AGL: variants seen among roughly 807,000 people sequenced by gnomAD.
AGL encodes glycogen debranching enzyme.
Under a neutral mutation model 199.3 loss-of-function variants are expected in AGL, and 128 were observed. That is an observed-to-expected ratio of 0.64 (90% CI 0.56 to 0.74). The LOEUF is 0.74. AGL is among the 30% of genes least tolerant of loss of function. The probability of loss-of-function intolerance (pLI) is 0.00; values close to 1 mark genes in which losing one functional copy is unlikely to be tolerated. For missense variants in AGL, 1,809 were observed against 1,820.8 expected (o/e 0.99, Z 0.12); for synonymous variants, 584 against 594.7 (o/e 0.98, Z 0.26).
chr1:99,881,257 A>G lies in AGL; in HGVS notation c.2002-35A>G, dbSNP rs1184011544. ...TTATTAAAAAAAATTCATTGTAATT[A>G]AGATGTATCCATGCTAAATTTTACC... is the stretch of plus-strand genomic sequence containing the variant. On this transcript the variant is annotated intron_variant, in intron 15 of 33. Transcript: ENST00000361915. 3 of 1,613,854 alleles carry G rather than the reference A, an allele frequency of 1.9e-6. No homozygotes were observed. The East Asian group carries it at 6.7e-5, about 36-fold the overall frequency.
At position 99,921,984 on chromosome 1, in the gene AGL, A is replaced by G. The variant is rs1655541987; in HGVS notation, c.*333A>G. On this transcript the variant is annotated 3_prime_UTR_variant, in exon 34 of 34. Transcript: ENST00000361915. The stretch of plus-strand genomic sequence containing the variant: ...AAATAAAATATGAAAATAATGAAAG[A>G]AATGAAAAGATAGCTTTTAATTGTG... The G allele has an allele frequency of 5.1e-6, 1 of 195,584 alleles. No homozygotes were observed. The highest frequency in any genetic ancestry group is 2.4e-5 in the African/African-American group (1 of 42,302). 12.1% of individuals were successfully genotyped at this position (195,584 alleles called of 1,614,324 possible).
chr1:99,912,968 A>T (rs1189355570), intron 29 of AGL, among the ~76,000 whole-genome samples: 1 of 152,216 alleles, frequency 6.6e-6, no homozygotes, highest in Admixed American at 6.5e-5. Flanking sequence ...CATGCCTGTA[A>T]TCTCCACACT....
chr1:99,919,078 C>T (rs1655333892), intron 33 of AGL, among the ~76,000 whole-genome samples: 1 of 152,126 alleles, frequency 6.6e-6, no homozygotes, highest in Admixed American at 6.5e-5. Flanking sequence ...CTTTGTACAG[C>T]TCCTTCCTCT....
chr1:99,892,750 C>A, intron 24 of AGL, 143 bp downstream of exon 24: 1 of 819,464 alleles, frequency 1.2e-6, no homozygotes, highest in Non-Finnish European at 1.9e-6. Flanking sequence ...TAGATATTCA[C>A]TCATAAAAAT....
intron 30 of AGL, among the ~76,000 whole-genome samples, 190 bp from the exon 31 acceptor site, chr1:99,915,199 C>G (rs1313526590): frequency 6.6e-6 from 1 of 152,184 alleles, no homozygotes; most frequent in Non-Finnish European, 1.5e-5. Flanking sequence ...GCTTTCCTAA[C>G]TTCTACGGCC....
chr1:99,897,216 T>C (rs1441240122), intron 25 of AGL, among the ~76,000 whole-genome samples: 1 of 152,134 alleles, frequency 6.6e-6, no homozygotes, highest in Admixed American at 6.5e-5. Context: ...ATTCCACACA[T>C]CAGTAGTGTC....
chr1:99,888,791 C>T (rs1264135604), intron 21 of AGL, among the ~76,000 whole-genome samples: 1 of 152,110 alleles, frequency 6.6e-6, no homozygotes, highest in Non-Finnish European at 1.5e-5. Flanking sequence ...TTTTGTTCAA[C>T]TCTTTATTTC....
chr1:99,855,175 C>A (rs945020063), intron 2 of AGL, among the ~76,000 whole-genome samples: 1 of 150,908 alleles, frequency 6.6e-6, no homozygotes, highest in African/African-American at 2.4e-5. Context: ...CACTCCAGCC[C>A]GGGCAACAGA....
chr1:99,896,157 G>A, intron 24 of AGL, 129 bp from the exon 25 acceptor site: 1 of 781,010 alleles, frequency 1.3e-6, no homozygotes, highest in East Asian at 2.6e-5. Context: ...ATTTTAGAGG[G>A]TTTTAGAGGA....
At chr1:99,891,386 A>C (rs769053834) in intron 22 of AGL, 30 bp downstream of exon 22, 1 of 1,611,476 alleles carries the variant, frequency 6.2e-7, no homozygotes, top group African/African-American at 1.3e-5. Context: ...CGTCCCAAAA[A>C]ATCAAGGACA....
intron 13 of AGL, 64 bp downstream of exon 13, chr1:99,880,110 T>G: frequency 6.2e-7 from 1 of 1,603,740 alleles, no homozygotes; most frequent in Non-Finnish European, 8.5e-7. Context: ...ATTAAAGGAT[T>G]TAATAGCTTC....
At chr1:99,866,172 T>C (rs1650492010) in intron 5 of AGL, among the ~76,000 whole-genome samples, 1 of 152,206 alleles carries the variant, frequency 6.6e-6, no homozygotes, top group African/African-American at 2.4e-5. Context: ...AGATCTATAA[T>C]ATTATTGAAA....
At chr1:99,915,773 A>AACACAC (rs951988452) in intron 31 of AGL, among the ~76,000 whole-genome samples, 5 of 150,730 alleles carry the variant, frequency 3.3e-5, no homozygotes, top group African/African-American at 9.7e-5. Context: ...ACTGTATTAA[A>AACACAC]ACACACACAC....
chr1:99,850,855 TTC>T lies in AGL; in HGVS notation c.-68-116_-68-115del, dbSNP rs142331734. 626 of 645,784 alleles carry T rather than the reference TTC, an allele frequency of 9.7e-4. 3 individuals carry two copies. The African/African-American group carries it at 0.011, about 11-fold the overall frequency. 40.0% of individuals were successfully genotyped at this position (645,784 alleles called of 1,614,324 possible). On this transcript the variant is annotated intron_variant, in intron 1 of 33. Coordinates refer to ENST00000361915, the MANE Select transcript of AGL (RefSeq NM_000642.3). ...CGAATCTTAATAGTTATAAGATTCA[TTC>T]TCTTTCATTGCTCTGCTAGGCATAA...
At position 99,910,695 on chromosome 1, in the gene AGL, C is replaced by T. The variant is rs1182192261; in HGVS notation, c.3701-17C>T. 6.7e-7 allele frequency: 1 copy of T among 1,481,980 alleles called. No homozygotes were observed. Among genetic ancestry groups the T allele is most frequent in the Non-Finnish European group, 9.3e-7 (1 of 1,078,716 alleles). 91.8% of individuals were successfully genotyped at this position (1,481,980 alleles called of 1,614,324 possible). On this transcript the variant is annotated splice_polypyrimidine_tract_variant and intron_variant, in intron 27 of 33. Transcript: ENST00000361915. The stretch of plus-strand genomic sequence containing the variant: ...AATACTTATAAAATTTTATTTTATA[C>T]ACATTTTGTTTTTTAGGTTTTAATA...
At chr1:99,915,235 CAT>C (rs1374740803) in intron 30 of AGL, among the ~76,000 whole-genome samples, 152 bp from the exon 31 acceptor site, 1 of 151,562 alleles carries the variant, frequency 6.6e-6, no homozygotes, top group Admixed American at 6.6e-5. Context: ...AAGTCAGCCT[CAT>C]AGGATTAGAT....
chr1:99,876,661 AT>A, intron 11 of AGL, 64 bp downstream of exon 11: 8 of 1,580,068 alleles, frequency 5.1e-6, no homozygotes, highest in Non-Finnish European at 7.0e-6. Context: ...TCAAAATAAA[AT>A]CTGCTTTACT....
At chr1:99,854,481 A>G (rs1649237895) in intron 2 of AGL, among the ~76,000 whole-genome samples, 1 of 152,082 alleles carries the variant, frequency 6.6e-6, no homozygotes, top group Non-Finnish European at 1.5e-5. Flanking sequence ...GATAATTTGA[A>G]GCCGGGTGCG....
At chr1:99,916,322 TCTTAC>T (rs1415915015) in intron 31 of AGL, 83 bp from the exon 32 acceptor site, 21 of 1,025,798 alleles carry the variant, frequency 2.0e-5, no homozygotes, top group African/African-American at 6.5e-5. Context: ...TGATTATTTC[TCTTAC>T]CTTTGTTATT....
Sources: gnomAD v4.1 joint callset for allele counts (sites outside exome capture counted in the v4.1 genomes callset) on GRCh38, gnomAD v4.1.1 for gene constraint, MANE v1.5 for transcripts, NCBI Gene and HGNC (gene_info 2026-07-23, HGNC 2026-07-21) for gene names.